THSD4: variants seen among roughly 807,000 people sequenced by gnomAD.
THSD4 encodes the protein thrombospondin type-1 domain-containing protein 4.
A neutral mutation model predicts 119.0 loss-of-function variants in THSD4; 69 were observed. The ratio of observed to expected loss-of-function variants is 0.58; its 90% CI spans 0.48 to 0.71. The LOEUF (loss-of-function observed/expected upper bound fraction) is 0.71. THSD4 is among the 30% of genes least tolerant of loss of function. The probability of loss-of-function intolerance (pLI) is 0.00; values close to 1 mark genes in which losing one functional copy is unlikely to be tolerated. For missense variants in THSD4, 1,393 were observed against 1,391.1 expected (o/e 1.00, Z -0.02); for synonymous variants, 524 against 540.4 (o/e 0.97, Z 0.42).
chr15:71,256,496 A>G (rs2044318522), intron 5 of THSD4, 117 bp from the exon 6 acceptor site: 1 of 654,228 alleles, frequency 1.5e-6, no homozygotes, highest in South Asian at 4.3e-5. Flanking sequence ...AAATAAATAA[A>G]TAAAGAATAA....
At chr15:71,699,517 GACATTTC>G (rs1425657616) in intron 8 of THSD4, among the ~76,000 whole-genome samples, 1 of 152,082 alleles carries the variant, frequency 6.6e-6, no homozygotes, top group African/African-American at 2.4e-5. Flanking sequence ...CTCTGCATTA[GACATTTC>G]ACATTTTACT....
intron 8 of THSD4, among the ~76,000 whole-genome samples, chr15:71,673,890 G>T (rs2051584798): frequency 6.6e-6 from 1 of 152,102 alleles, no homozygotes; most frequent in Non-Finnish European, 1.5e-5. Flanking sequence ...CCGAGTAGCT[G>T]GGACTACAGG....
chr15:71,520,457 A>G (rs1284895155), intron 7 of THSD4, among the ~76,000 whole-genome samples: 2 of 152,046 alleles, frequency 1.3e-5, no homozygotes, highest in African/African-American at 2.4e-5. Context: ...CCTCACTGGG[A>G]TTGCTTTCTT....
chr15:71,670,227 C>T (rs1479983369), intron 8 of THSD4, among the ~76,000 whole-genome samples: 2 of 151,672 alleles, frequency 1.3e-5, no homozygotes, highest in African/African-American at 2.4e-5. Flanking sequence ...GCTATCCCTC[C>T]CCTATCCCCC....
At chr15:71,234,986 G>A (rs1305257808) in intron 4 of THSD4, among the ~76,000 whole-genome samples, 3 of 152,164 alleles carry the variant, frequency 2.0e-5, no homozygotes, top group Non-Finnish European at 4.4e-5. Context: ...CTATTCCTCG[G>A]TATAATTTCT....
chr15:71,294,315 A>G (rs1024366280), intron 6 of THSD4, among the ~76,000 whole-genome samples: 9 of 152,166 alleles, frequency 5.9e-5, no homozygotes, highest in Non-Finnish European at 1.2e-4. Flanking sequence ...TGTGAATGAC[A>G]CCCACAGGTC....
chr15:71,345,205 G>T (rs1340996668), intron 6 of THSD4, among the ~76,000 whole-genome samples: 3 of 149,754 alleles, frequency 2.0e-5, no homozygotes, highest in Admixed American at 6.7e-5. Flanking sequence ...CGGGGGGTTG[G>T]GGGGGTGGGT....
chr15:71,525,532 TG>T (rs2048505720), intron 7 of THSD4, among the ~76,000 whole-genome samples: 1 of 152,194 alleles, frequency 6.6e-6, no homozygotes, highest in African/African-American at 2.4e-5. Context: ...ATTCAAACTA[TG>T]AGTTGAGAGT....
chr15:71,241,162 T>C (rs562611168), intron 4 of THSD4, among the ~76,000 whole-genome samples: 1 of 152,370 alleles, frequency 6.6e-6, no homozygotes, highest in South Asian at 2.1e-4. Flanking sequence ...GTAGAAACCC[T>C]TGGGCACATT....
chr15:71,653,755 A>T (rs537892580), intron 7 of THSD4, among the ~76,000 whole-genome samples: 1 of 152,284 alleles, frequency 6.6e-6, no homozygotes, highest in East Asian at 1.9e-4. Flanking sequence ...TTTTTGAAGT[A>T]TATTTTTTTC....
In THSD4 at chr15:71,689,204, CA is replaced by C. The variant is rs1392423353; in HGVS notation, c.1357+28472del. Among the ~76,000 whole-genome samples the C allele has an allele frequency of 5.3e-5, 8 of 152,230 alleles. No homozygotes were observed. In the East Asian group the frequency reaches 1.5e-3, roughly 29 times the overall value. ...GTTTTTAACCCTCAAAAAGTCAGAC[CA>C]AGGATGGATTTTGAACCTGGTGTGG... On this transcript the variant is annotated intron_variant, in intron 8 of 17. Transcript: ENST00000261862.
At chr15:71,275,550 T>C (rs1327702473) in intron 6 of THSD4, among the ~76,000 whole-genome samples, 3 of 152,212 alleles carry the variant, frequency 2.0e-5, no homozygotes, top group Non-Finnish European at 4.4e-5. Context: ...ATATGCAACT[T>C]ATATTTAAAT....
At chr15:71,694,809 A>AG (rs1284592637) in intron 8 of THSD4, among the ~76,000 whole-genome samples, 1 of 152,092 alleles carries the variant, frequency 6.6e-6, no homozygotes, top group African/African-American at 2.4e-5. Flanking sequence ...ATAGCACTGA[A>AG]GACCACCACA....
At chr15:71,144,851 T>A (rs920774498) in intron 2 of THSD4, among the ~76,000 whole-genome samples, 1 of 152,204 alleles carries the variant, frequency 6.6e-6, no homozygotes, top group African/African-American at 2.4e-5. Context: ...AAGCTCTGGA[T>A]GCCATGTAAA....
chr15:71,553,822 T>C (rs1354392120), intron 7 of THSD4, among the ~76,000 whole-genome samples: 1 of 152,222 alleles, frequency 6.6e-6, no homozygotes, highest in Non-Finnish European at 1.5e-5. Context: ...ATAGTGAATA[T>C]ATTATGGATT....
chr15:71,673,882 G>C (rs555961412), intron 8 of THSD4, among the ~76,000 whole-genome samples: 4 of 152,022 alleles, frequency 2.6e-5, no homozygotes, highest in African/African-American at 9.7e-5. Flanking sequence ...TCAGCCTCCC[G>C]AGTAGCTGGG....
At chr15:71,548,511 A>G (rs760473324) in intron 7 of THSD4, among the ~76,000 whole-genome samples, 31 of 152,206 alleles carry the variant, frequency 2.0e-4, no homozygotes, top group Non-Finnish European at 4.0e-4. Flanking sequence ...CTGTGGTTTC[A>G]GCAGGCTTGT....
At chr15:71,419,495 G>C (rs1318687682) in intron 7 of THSD4, among the ~76,000 whole-genome samples, 1 of 107,564 alleles carries the variant, frequency 9.3e-6, no homozygotes. Flanking sequence ...CACCATGCCT[G>C]GTCTATTATT....
intron 7 of THSD4, among the ~76,000 whole-genome samples, chr15:71,554,297 G>A (rs544340157): frequency 8.6e-5 from 13 of 151,060 alleles, no homozygotes; most frequent in East Asian, 7.7e-4. Flanking sequence ...GGGTTTCACC[G>A]TGTTAACCAG....
Sources: gnomAD v4.1 joint callset for allele counts (sites outside exome capture counted in the v4.1 genomes callset) on GRCh38, gnomAD v4.1.1 for gene constraint, MANE v1.5 for transcripts, NCBI Gene and HGNC (gene_info 2026-07-23, HGNC 2026-07-21) for gene names.